KCNH8: variants seen among roughly 807,000 people sequenced by gnomAD.
KCNH8 encodes the protein voltage-gated delayed rectifier potassium channel KCNH8.
A neutral mutation model predicts 103.6 loss-of-function variants in KCNH8; 70 were observed. The observed-to-expected ratio is 0.68, with a 90% CI of 0.56 to 0.82. The LOEUF is 0.82. Among genes scored for constraint, KCNH8 ranks in the 40% least tolerant of loss-of-function variants. KCNH8 has a pLI of 0.00. For missense variants in KCNH8, 1,217 were observed against 1,329.9 expected (o/e 0.92, Z 1.32); for synonymous variants, 498 against 489.4 (o/e 1.02, Z -0.23).
intron 11 of KCNH8, among the ~76,000 whole-genome samples, chr3:19,481,962 G>A (rs1448005151): frequency 6.6e-6 from 1 of 152,176 alleles, no homozygotes; most frequent in East Asian, 1.9e-4. Context: ...TTTGTAGAAG[G>A]AAAGGGCTTT....
intron 3 of KCNH8, among the ~76,000 whole-genome samples, chr3:19,337,181 A>G (rs890751564): frequency 6.6e-6 from 1 of 152,088 alleles, no homozygotes; most frequent in Non-Finnish European, 1.5e-5. Context: ...GTGAATTTGG[A>G]CAAGTACACA....
chr3:19,429,504 C>T (rs368677594), intron 7 of KCNH8, among the ~76,000 whole-genome samples: 13 of 152,296 alleles, frequency 8.5e-5, no homozygotes, highest in East Asian at 5.8e-4. Flanking sequence ...AGGCTGACAC[C>T]TCAAAATTGG....
At chr3:19,355,216 TA>T (rs1353638234) in intron 5 of KCNH8, among the ~76,000 whole-genome samples, 1 of 152,064 alleles carries the variant, frequency 6.6e-6, no homozygotes, top group Non-Finnish European at 1.5e-5. Flanking sequence ...TGGCGATCAT[TA>T]AAAAGTCAAG....
intron 3 of KCNH8, among the ~76,000 whole-genome samples, chr3:19,300,322 G>A (rs1315386247): frequency 6.6e-6 from 1 of 152,024 alleles, no homozygotes; most frequent in Non-Finnish European, 1.5e-5. Flanking sequence ...AAGGAAGCTA[G>A]TATTTGAATG....
chr3:19,184,540 A>G (rs77119433), intron 1 of KCNH8, among the ~76,000 whole-genome samples: 6,293 of 152,134 alleles, frequency 0.041, 467 homozygotes, highest in African/African-American at 0.14. Flanking sequence ...GGCTGACAAA[A>G]ATACATTCTT....
In KCNH8 at chr3:19,353,938, C is replaced by A. The variant is rs566113329; in HGVS notation, c.811+5973C>A. On this transcript the variant is annotated intron_variant, in intron 5 of 15. Transcript: ENST00000328405. ...GTATTCAGTTAGGAAAAGAGAAAGT[C>A]AAATTGTCTCTGTTTGCAGGTGACA... Among the ~76,000 whole-genome samples, 201 of 152,272 alleles carry A rather than the reference C, an allele frequency of 1.3e-3. 1 individual carries two copies. Among genetic ancestry groups the A allele is most frequent in the African/African-American group, 4.6e-3 (193 of 41,572 alleles).
intron 3 of KCNH8, among the ~76,000 whole-genome samples, chr3:19,317,601 TAAATATG>T (rs1485868297): frequency 5.1e-4 from 77 of 151,990 alleles, no homozygotes; most frequent in African/African-American, 1.8e-3. Flanking sequence ...AAAAATAAAT[TAAATATG>T]ATCCAAGAAA....
chr3:19,245,495 G>C (rs2064192880), intron 1 of KCNH8, among the ~76,000 whole-genome samples: 1 of 152,118 alleles, frequency 6.6e-6, no homozygotes, highest in Non-Finnish European at 1.5e-5. Flanking sequence ...TTCTGTGAAG[G>C]ATGATGTTGG....
chr3:19,372,554 C>G (rs1356676602), intron 5 of KCNH8, among the ~76,000 whole-genome samples: 7 of 152,178 alleles, frequency 4.6e-5, no homozygotes, highest in Admixed American at 3.9e-4. Flanking sequence ...ATGTCGTCTG[C>G]AAACAAGGAC....
intron 1 of KCNH8, among the ~76,000 whole-genome samples, chr3:19,201,546 C>CT (rs1178557988): frequency 6.6e-6 from 1 of 151,898 alleles, no homozygotes. Context: ...CTTGAACATA[C>CT]TTTTTTTGAC....
intron 13 of KCNH8, 43 bp downstream of exon 13, chr3:19,513,368 G>GC: frequency 1.3e-6 from 2 of 1,543,482 alleles, no homozygotes; most frequent in Non-Finnish European, 1.7e-6. Flanking sequence ...GAACGTGGCT[G>GC]CCTTTTATAC....
intron 1 of KCNH8, among the ~76,000 whole-genome samples, chr3:19,239,893 G>T (rs1379998426): frequency 2.6e-5 from 4 of 152,090 alleles, no homozygotes; most frequent in Admixed American, 6.5e-5. Flanking sequence ...CTTAACCAAA[G>T]CAGGGAACGG....
At position 19,480,490 on chromosome 3, in the gene KCNH8, T is replaced by C. The variant is rs377505525; in HGVS notation, c.2040+23508T>C. Among the ~76,000 whole-genome samples, 23 of 152,306 alleles carry C rather than the reference T, an allele frequency of 1.5e-4. No homozygotes were observed. The East Asian group carries it at 3.7e-3, about 24-fold the overall frequency. ...CTACAATAATTAGTGGAAATTCTAA[T>C]ATTAGGAACTTTTACCATTGAGGAA... On this transcript the variant is annotated intron_variant, in intron 11 of 15. Coordinates refer to ENST00000328405, the MANE Select transcript of KCNH8 (RefSeq NM_144633.3).
intron 3 of KCNH8, among the ~76,000 whole-genome samples, chr3:19,340,080 T>C (rs1304412418): frequency 3.9e-5 from 6 of 152,090 alleles, no homozygotes; most frequent in Non-Finnish European, 7.4e-5. Flanking sequence ...TGGAGAATAA[T>C]AATACTTATT....
At chr3:19,218,964 C>T (rs1559427766) in intron 1 of KCNH8, among the ~76,000 whole-genome samples, 1 of 152,168 alleles carries the variant, frequency 6.6e-6, no homozygotes, top group Non-Finnish European at 1.5e-5. Flanking sequence ...TGCAATTACT[C>T]TATTTCCAAA....
chr3:19,503,188 C>G (rs1309109597), intron 11 of KCNH8, among the ~76,000 whole-genome samples: 1 of 131,806 alleles, frequency 7.6e-6, no homozygotes, highest in African/African-American at 2.8e-5. Flanking sequence ...TGCTCACCAT[C>G]ACTGGCCATC....
intron 3 of KCNH8, among the ~76,000 whole-genome samples, chr3:19,326,280 G>A (rs572597016): frequency 1.8e-3 from 266 of 150,768 alleles, no homozygotes; most frequent in Middle Eastern, 6.9e-3. Context: ...ACAACAACCC[G>A]TGCCCCTGCC....
intron 1 of KCNH8, among the ~76,000 whole-genome samples, chr3:19,221,235 C>A (rs139733524): frequency 6.6e-6 from 1 of 152,048 alleles, no homozygotes; most frequent in Non-Finnish European, 1.5e-5. Context: ...AATGGGCTTG[C>A]AAGATTACTT....
rs151026616 is a variant in KCNH8 at position 19,505,825 on chromosome 3, C to A, written c.2041-4538C>A. On this transcript the variant is annotated intron_variant, in intron 11 of 15. Coordinates refer to ENST00000328405, the MANE Select transcript of KCNH8 (RefSeq NM_144633.3). ...TGATTCATAGATTTTGGTCTGTTTACATAACCTCATATTTCTCAGAGGTTT... is the reference window on the plus strand; with the variant it reads ...TGATTCATAGATTTTGGTCTGTTTAAATAACCTCATATTTCTCAGAGGTTT... 1.1e-4 allele frequency among the ~76,000 whole-genome samples: 16 copies of A among 152,318 alleles called. No individual in the cohort carries two copies. The East Asian group carries it at 3.1e-3, about 29-fold the overall frequency.
Sources: allele counts gnomAD v4.1 joint callset (sites outside exome capture counted in the v4.1 genomes callset), GRCh38; gene constraint gnomAD v4.1.1; transcripts MANE v1.5; gene names NCBI Gene and HGNC (gene_info 2026-07-23, HGNC 2026-07-21).